The following ZNF560 variants were observed in gnomAD, a reference collection of about 807,000 sequenced individuals.
ZNF560 encodes the protein zinc finger protein 560.
Under a neutral mutation model 81.8 loss-of-function variants are expected in ZNF560, and 54 were observed. That is an observed-to-expected ratio of 0.66 (90% CI 0.53 to 0.83). ZNF560 has a LOEUF of 0.83. Ranked by LOEUF, ZNF560 falls within the 40% of genes least tolerant of loss-of-function variation. The probability of loss-of-function intolerance (pLI) is 0.00; values close to 1 mark genes in which losing one functional copy is unlikely to be tolerated. For missense variants in ZNF560, 940 were observed against 932.4 expected (o/e 1.01, Z -0.11); for synonymous variants, 321 against 317.9 (o/e 1.01, Z -0.10).
At position 9,467,466 on chromosome 19, in the gene ZNF560, C is replaced by A; in HGVS notation, c.1481G>T (p.Gly494Val). Residue 494 changes from glycine to valine, a missense_variant, in exon 10 of 10, where the codon GGG becomes GTG. By Grantham distance (109) the Gly-to-Val change is moderately radical. Transcript: ENST00000301480. Reference protein sequence around the residue: ...GQKRFDCDQCGKVFVSFSSLF... With the variant: ...GQKRFDCDQCVKVFVSFSSLF... ...AGATGAGAAAGAAACAAAGACTTTC[C>A]CACACTGGTCACAATCAAAGCGTTT... 1 of 1,614,052 alleles carries A rather than the reference C, an allele frequency of 6.2e-7. No homozygotes were observed. Among genetic ancestry groups the A allele is most frequent in the Non-Finnish European group, 8.5e-7 (1 of 1,179,996 alleles).
intron 4 of ZNF560, 64 bp downstream of exon 4, chr19:9,474,135 A>G: frequency 1.3e-6 from 2 of 1,591,376 alleles, no homozygotes; most frequent in Non-Finnish European, 1.7e-6. Context: ...CAATTCTGGA[A>G]CACAGCAAGT....
rs2073049599 is a variant in ZNF560, at chr19:9,467,638, A to G, written c.1309T>C (p.Cys437Arg). 6.2e-7 allele frequency: 1 copy of G among 1,614,042 alleles called. No homozygotes were observed. Among genetic ancestry groups the G allele is most frequent in the South Asian group, 1.1e-5 (1 of 91,076 alleles). ...GGGTAAGAAATAAAGGCTTTCCCAC[A>G]GTGGTCACATTTAAAGGTTTTCTCT... ...AREKTFKCDHCGKAFISYPSL... is the reference protein window; with the variant it reads ...AREKTFKCDHRGKAFISYPSL... The change falls in exon 10 of 10, where the codon TGT (cysteine) becomes CGT (arginine). Residue 437 changes from cysteine (C) to arginine (R), a missense_variant. Physicochemically the swap from Cys to Arg is radical, Grantham distance 180 (BLOSUM62 -3). Transcript: ENST00000301480.
At chr19:9,470,063 C>G (rs537087120) in intron 7 of ZNF560, among the ~76,000 whole-genome samples, 45 of 152,302 alleles carry the variant, frequency 3.0e-4, no homozygotes, top group African/African-American at 1.1e-3. Flanking sequence ...AACTCCCATT[C>G]CAGTAGTTCT....
intron 2 of ZNF560, among the ~76,000 whole-genome samples, chr19:9,478,981 C>T (rs895193162): frequency 6.6e-5 from 10 of 152,106 alleles, no homozygotes; most frequent in Non-Finnish European, 1.3e-4. Flanking sequence ...CCATGGCCAA[C>T]ATGGCGAAAC....
upstream of ZNF560, among the ~76,000 whole-genome samples, chr19:9,502,718 A>G (rs533345988): frequency 7.4e-4 from 112 of 152,282 alleles, 1 homozygote; most frequent in Admixed American, 8.5e-4. Flanking sequence ...TGTCCACTTC[A>G]TTTAGGTTAT....
the ZNF560 span, among the ~76,000 whole-genome samples, chr19:9,457,589 C>T: frequency 7.9e-5 from 12 of 152,312 alleles, no homozygotes; most frequent in South Asian, 2.1e-4. Context: ...TCCAATGTTA[C>T]GGTCACTTGG....
At chr19:9,488,934 C>T (rs117371419) in intron 2 of ZNF560, among the ~76,000 whole-genome samples, 1 of 152,088 alleles carries the variant, frequency 6.6e-6, no homozygotes, top group African/African-American at 2.4e-5. Flanking sequence ...GCACCTCCCC[C>T]TCATTCTCCC....
intron 2 of ZNF560, among the ~76,000 whole-genome samples, chr19:9,493,969 C>T (rs2073513126): frequency 6.6e-6 from 1 of 151,466 alleles, no homozygotes; most frequent in African/African-American, 2.4e-5. Context: ...ACTGTCTCTA[C>T]TAAAAATACA....
At chr19:9,490,432 T>G (rs1414580071) in intron 2 of ZNF560, among the ~76,000 whole-genome samples, 1 of 152,200 alleles carries the variant, frequency 6.6e-6, no homozygotes, top group Non-Finnish European at 1.5e-5. Context: ...TTGGAATGCT[T>G]TGGCCTGCAG....
the ZNF560 span, among the ~76,000 whole-genome samples, chr19:9,456,753 G>A: frequency 1.1e-3 from 164 of 152,256 alleles, no homozygotes; most frequent in Middle Eastern, 0.017. Flanking sequence ...GACAACCTGG[G>A]ACTATTCAAC....
the ZNF560 span, among the ~76,000 whole-genome samples, chr19:9,457,568 G>A: frequency 1.3e-3 from 200 of 152,132 alleles, no homozygotes; most frequent in African/African-American, 4.6e-3. Flanking sequence ...CCCCCACTCC[G>A]GAAATATTAC....
At chr19:9,489,083 CTT>C (rs1191247434) in intron 2 of ZNF560, among the ~76,000 whole-genome samples, 1 of 152,190 alleles carries the variant, frequency 6.6e-6, no homozygotes, top group Non-Finnish European at 1.5e-5. Context: ...GCCAATTAAA[CTT>C]TTTTTATTCT....
In ZNF560 at chr19:9,467,041, C is replaced by T; in HGVS notation, c.1906G>A (p.Ala636Thr). The T allele has an allele frequency of 6.2e-7, 1 of 1,614,018 alleles. No homozygotes were observed. Among genetic ancestry groups the T allele is most frequent in the Non-Finnish European group, 8.5e-7 (1 of 1,180,008 alleles). Residue 636 changes from alanine (A) to threonine (T), a missense_variant, in exon 10 of 10, where the codon GCC becomes ACC. By Grantham distance (58) the Ala-to-Thr change is moderately conservative. Coordinates refer to ENST00000301480, the MANE Select transcript of ZNF560 (RefSeq NM_152476.3). Reference sequence around the variant, plus strand: ...ACTAGACTGGAGGAGACAACAAAGGCTTTCCCACAGTCCTTATATTCATAG... The same window carrying T: ...ACTAGACTGGAGGAGACAACAAAGGTTTTCCCACAGTCCTTATATTCATAG... Reference protein sequence around the residue: ...KPYEYKDCGKAFVVSSSLVDH... With the variant: ...KPYEYKDCGKTFVVSSSLVDH...
At chr19:9,459,701 G>A in the ZNF560 span, among the ~76,000 whole-genome samples, 1 of 152,162 alleles carries the variant, frequency 6.6e-6, no homozygotes, top group Non-Finnish European at 1.5e-5. Flanking sequence ...GACAGGTGAG[G>A]ATGTGGGGGT....
chr19:9,448,382 C>T, the ZNF560 span, among the ~76,000 whole-genome samples: 1 of 147,634 alleles, frequency 6.8e-6, no homozygotes, highest in Non-Finnish European at 1.5e-5. Flanking sequence ...CAGGCATGCA[C>T]CACCATGCCT....
chr19:9,457,914 G>A, the ZNF560 span, among the ~76,000 whole-genome samples: 3 of 152,160 alleles, frequency 2.0e-5, no homozygotes, highest in Admixed American at 1.3e-4. Context: ...TAATTGAAAA[G>A]CAAGTCCATA....
upstream of ZNF560, among the ~76,000 whole-genome samples, chr19:9,501,933 A>T (rs916046510): frequency 9.9e-5 from 15 of 151,978 alleles, no homozygotes; most frequent in South Asian, 6.2e-4. Context: ...CAGGCGGATC[A>T]CTTGAAGTCA....
chr19:9,454,915 C>T, the ZNF560 span, among the ~76,000 whole-genome samples: 1 of 152,016 alleles, frequency 6.6e-6, no homozygotes, highest in Non-Finnish European at 1.5e-5. Context: ...CTTAAAGAGA[C>T]CCAAGAAGGG....
rs267605824 is a variant in ZNF560, at chr19:9,467,256, C to T, written c.1691G>A (p.Arg564Gln). 15 of 1,614,078 alleles carry T rather than the reference C, an allele frequency of 9.3e-6. No individual in the cohort carries two copies. The highest frequency in any genetic ancestry group is 2.2e-5 in the East Asian group (1 of 44,872). The change falls in exon 10 of 10, where the codon CGA becomes CAA. Residue 564 changes from arginine (R) to glutamine (Q), a missense_variant. By Grantham distance (43) the Arg-to-Gln change is conservative. Transcript: ENST00000301480. ...TKCSYLTKHL[R>Q]THAGEKPYEC... ...ATAGGGTTTCTCTCCAGCGTGTGTT[C>T]GTAAATGTTTGGTAAGATATGAGCA...
Sources: gnomAD v4.1 joint callset for allele counts (sites outside exome capture counted in the v4.1 genomes callset) on GRCh38, gnomAD v4.1.1 for gene constraint, MANE v1.5 for transcripts, NCBI Gene and HGNC (gene_info 2026-07-23, HGNC 2026-07-21) for gene names.